The following MYOZ2 variants were observed in gnomAD, a reference collection of about 807,000 sequenced individuals.
The protein encoded by MYOZ2 is myozenin 2.
In MYOZ2, 19 loss-of-function variants were observed where a neutral mutation model predicts 25.4. The ratio of observed to expected loss-of-function variants is 0.75; its 90% CI spans 0.52 to 1.10. The LOEUF is 1.10. MYOZ2 is among the 50% of genes least tolerant of loss of function. The pLI, the probability that MYOZ2 is intolerant of heterozygous loss-of-function variation, is 0.00. For synonymous variants in MYOZ2, 92 were observed against 106.9 expected (o/e 0.86, Z 0.86); for missense variants, 270 against 317.9 (o/e 0.85, Z 1.15).
intron 2 of MYOZ2, among the ~76,000 whole-genome samples, chr4:119,143,202 CTTTTTTT>C (rs966649631): frequency 2.1e-5 from 3 of 145,806 alleles, no homozygotes; most frequent in African/African-American, 7.5e-5. Flanking sequence ...TTTCTTTTTT[CTTTTTTT>C]TTTTGAGATG....
intron 4 of MYOZ2, among the ~76,000 whole-genome samples, chr4:119,163,135 A>C (rs1026522170): frequency 6.6e-6 from 1 of 152,206 alleles, no homozygotes; most frequent in Non-Finnish European, 1.5e-5. Context: ...GCCTACACAA[A>C]AAGATTTGTA....
intron 3 of MYOZ2, among the ~76,000 whole-genome samples, chr4:119,154,860 C>CAA (rs1578732662): frequency 7.4e-6 from 1 of 134,364 alleles, no homozygotes; most frequent in Non-Finnish European, 1.6e-5. Context: ...TTATATTACA[C>CAA]ACACACACAC....
At chr4:119,182,154 C>T (rs576921611) in intron 5 of MYOZ2, among the ~76,000 whole-genome samples, 3 of 152,132 alleles carry the variant, frequency 2.0e-5, no homozygotes, top group Non-Finnish European at 2.9e-5. Context: ...TTTCTCATGC[C>T]ACTGAAATAA....
chr4:119,168,683 A>ACAACAAC (rs1553959287), intron 5 of MYOZ2, among the ~76,000 whole-genome samples: 128 of 150,934 alleles, frequency 8.5e-4, no homozygotes, highest in African/African-American at 3.0e-3. Flanking sequence ...AACAACAACA[A>ACAACAAC]AACAACAACA....
At chr4:119,151,453 A>G (rs1185212403) in intron 3 of MYOZ2, among the ~76,000 whole-genome samples, 1 of 152,166 alleles carries the variant, frequency 6.6e-6, no homozygotes, top group East Asian at 1.9e-4. Context: ...TGGAACTGAA[A>G]CATGCCTGGG....
chr4:119,138,609 G>A (rs1195220301), intron 2 of MYOZ2, among the ~76,000 whole-genome samples: 2 of 152,132 alleles, frequency 1.3e-5, no homozygotes, highest in East Asian at 3.9e-4. Flanking sequence ...TTAATTGTAA[G>A]ACTAAATAAA....
intron 4 of MYOZ2, 77 bp from the exon 5 acceptor site, chr4:119,164,134 A>G: frequency 7.2e-7 from 1 of 1,382,500 alleles, no homozygotes; most frequent in Non-Finnish European, 1.0e-6. Context: ...TGAAAAATCA[A>G]ACATGGTAAA....
At chr4:119,174,079 G>A (rs1037816103) in intron 5 of MYOZ2, among the ~76,000 whole-genome samples, 6 of 152,144 alleles carry the variant, frequency 3.9e-5, no homozygotes, top group Admixed American at 6.5e-5. Context: ...CCCCCTCCAT[G>A]GGCTCGTGGG....
chr4:119,149,602 A>G (rs1224655941), intron 2 of MYOZ2, among the ~76,000 whole-genome samples: 1 of 152,180 alleles, frequency 6.6e-6, no homozygotes, highest in Non-Finnish European at 1.5e-5. Flanking sequence ...GAACACCCAG[A>G]GTATTAATCA....
chr4:119,153,315 C>T (rs1371325406), intron 3 of MYOZ2, among the ~76,000 whole-genome samples: 1 of 152,124 alleles, frequency 6.6e-6, no homozygotes, highest in Non-Finnish European at 1.5e-5. Context: ...TTATTAGACT[C>T]AGGTCTATTT....
intron 5 of MYOZ2, 93 bp downstream of exon 5, chr4:119,164,487 T>C (rs1741780180): frequency 7.7e-7 from 1 of 1,306,346 alleles, no homozygotes; most frequent in Non-Finnish European, 1.1e-6. Flanking sequence ...TAGAAAGCAA[T>C]TTTTTCTTTT....
chr4:119,154,189 G>C (rs12501822), intron 3 of MYOZ2, among the ~76,000 whole-genome samples: 89,391 of 151,638 alleles, frequency 0.59, 28,624 homozygotes, highest in Non-Finnish European at 0.72. Flanking sequence ...AAAGCATAGA[G>C]CAAAGAAGCC....
chr4:119,182,974 T>A (rs1440924842), intron 5 of MYOZ2, among the ~76,000 whole-genome samples: 1 of 152,162 alleles, frequency 6.6e-6, no homozygotes, highest in Non-Finnish European at 1.5e-5. Flanking sequence ...ATTTATGTTT[T>A]AATTAATTCT....
chr4:119,151,147 T>G (rs1741442453), intron 3 of MYOZ2, 106 bp downstream of exon 3: 6 of 1,196,152 alleles, frequency 5.0e-6, no homozygotes, highest in Non-Finnish European at 7.0e-6. Context: ...TTCTTTCAAT[T>G]TATTCTGTTA....
Position 119,158,030 on chromosome 4 carries a change from T to G in MYOZ2, c.255T>G (p.Ile85Met), listed in dbSNP as rs759342600. 3 of 1,613,926 alleles carry G rather than the reference T, an allele frequency of 1.9e-6. No individual in the cohort carries two copies. The African/African-American group carries it at 4.0e-5, about 22-fold the overall frequency. Reference protein sequence around the residue: ...YQSRAQINHSIAMQNGKVDGS... With the variant: ...YQSRAQINHSMAMQNGKVDGS... Reference sequence around the variant, plus strand: ...CTTTTGATTAAATACAGCACAGTATTGCTATGCAGAATGGGAAAGTGGATG... The same window carrying G: ...CTTTTGATTAAATACAGCACAGTATGGCTATGCAGAATGGGAAAGTGGATG... Residue 85 changes from isoleucine (I) to methionine (M), a missense_variant, in exon 4 of 6, where the codon ATT becomes ATG. By Grantham distance (10) the Ile-to-Met change is conservative. Transcript: ENST00000307128.
rs146013072 is a variant in MYOZ2 at position 119,152,086 on chromosome 4, C to G, written c.246+1045C>G. Among the ~76,000 whole-genome samples the G allele has an allele frequency of 1.5e-4, 23 of 152,198 alleles. No homozygotes were observed. The East Asian group carries it at 3.9e-3, about 26-fold the overall frequency. The stretch of plus-strand genomic sequence containing the variant: ...GTTAACAGAAAATGTTGAGAGGACA[C>G]TTAACAAATTTATTTTCATATTTGT... On this transcript the variant is annotated intron_variant, in intron 3 of 5. Coordinates refer to ENST00000307128, the MANE Select transcript of MYOZ2 (RefSeq NM_016599.5).
At position 119,178,646 on chromosome 4, in the gene MYOZ2, G is replaced by A. The variant is rs1269740921; in HGVS notation, c.561-7320G>A. ...ATTTGAGTTGGAGTCTCGCTCTGTCGCCCAGGCTGGAGTGCAGTGGTGCAA... is the reference window on the plus strand; with the variant it reads ...ATTTGAGTTGGAGTCTCGCTCTGTCACCCAGGCTGGAGTGCAGTGGTGCAA... On this transcript the variant is annotated intron_variant, in intron 5 of 5. Coordinates refer to ENST00000307128, the MANE Select transcript of MYOZ2 (RefSeq NM_016599.5). Among the ~76,000 whole-genome samples, 7 of 151,978 alleles carry A rather than the reference G, an allele frequency of 4.6e-5. No homozygotes were observed. The East Asian group carries it at 1.2e-3, about 25-fold the overall frequency.
chr4:119,162,910 A>G (rs1427817758), intron 4 of MYOZ2, among the ~76,000 whole-genome samples: 1 of 152,236 alleles, frequency 6.6e-6, no homozygotes, highest in African/African-American at 2.4e-5. Context: ...TTAGGTCTAG[A>G]CAGGTTATAA....
At chr4:119,140,204 A>G (rs1049173062) in intron 2 of MYOZ2, among the ~76,000 whole-genome samples, 4 of 152,258 alleles carry the variant, frequency 2.6e-5, no homozygotes, top group African/African-American at 9.6e-5. Flanking sequence ...AAAGGAAATG[A>G]TAATATTGAC....
Sources: gnomAD v4.1 joint callset for allele counts (sites outside exome capture counted in the v4.1 genomes callset) on GRCh38, gnomAD v4.1.1 for gene constraint, MANE v1.5 for transcripts, NCBI Gene and HGNC (gene_info 2026-07-23, HGNC 2026-07-21) for gene names.